The following RGS11 variants were observed in gnomAD, a reference collection of about 807,000 sequenced individuals.
RGS11 encodes the protein regulator of G-protein signaling 11.
Under a neutral mutation model 71.1 loss-of-function variants are expected in RGS11, and 86 were observed. The ratio of observed to expected loss-of-function variants is 1.21; its 90% CI spans 1.02 to 1.45. RGS11 has a LOEUF of 1.45. RGS11 is among the 40% of genes most tolerant of loss of function. The pLI, the probability that RGS11 is intolerant of heterozygous loss-of-function variation, is 0.00. For synonymous variants in RGS11, 298 were observed against 254.2 expected (o/e 1.17, Z -1.64); for missense variants, 734 against 635.1 (o/e 1.16, Z -1.67).
At position 275,273 on chromosome 16, in the gene RGS11, G is replaced by C. The variant is rs1481291958; in HGVS notation, c.211+10C>G. On this transcript the variant is annotated intron_variant, in intron 3 of 16. Transcript: ENST00000397770. ...TGACCCCAGGGCCCAGTGGGAGGCA[G>C]GGCGCTCACCCTCCTCCGAGACGCA... 1.2e-6 allele frequency: 2 copies of C among 1,612,534 alleles called. No homozygotes were observed. Among genetic ancestry groups the C allele is most frequent in the East Asian group, 4.5e-5 (2 of 44,870 alleles).
chr16:269,439 C>G (rs2051814089), intron 16 of RGS11, 56 bp from the exon 17 acceptor site: 1 of 1,587,056 alleles, frequency 6.3e-7, no homozygotes, highest in Admixed American at 1.7e-5. Context: ...CTGCCCACCT[C>G]ACTGCAGGGC....
chr16:275,115 G>A, intron 3 of RGS11, 33 bp from the exon 4 acceptor site: 1 of 1,481,564 alleles, frequency 6.7e-7, no homozygotes, highest in Non-Finnish European at 8.9e-7. Flanking sequence ...GCGCGGGGCC[G>A]CGGAAGCGGG....
At chr16:272,217 G>A in intron 9 of RGS11, 14 of 1,184,602 alleles carry the variant, frequency 1.2e-5, no homozygotes, top group Non-Finnish European at 1.4e-5. Flanking sequence ...GGGGATCACT[G>A]GGGAACCAGG....
rs560488104 is a variant in RGS11, at chr16:275,668, G to C, written c.64-170C>G. 6.5e-6 allele frequency: 3 copies of C among 464,218 alleles called. No individual in the cohort carries two copies. In the Admixed American group the frequency reaches 2.4e-4, roughly 38 times the overall value. 28.8% of individuals were successfully genotyped at this position (464,218 alleles called of 1,614,324 possible). On this transcript the variant is annotated intron_variant, in intron 1 of 16. Coordinates refer to ENST00000397770, the MANE Select transcript of RGS11 (RefSeq NM_183337.3). ...GGGGCGGGCCGGGGAGGGCCGGGGA[G>C]GGCCGGGGAGACCCCGGAGACCCCC... is the stretch of plus-strand genomic sequence containing the variant.
chr16:274,319 G>C, intron 4 of RGS11, 54 bp from the exon 5 acceptor site: 1 of 1,560,982 alleles, frequency 6.4e-7, no homozygotes, highest in Non-Finnish European at 8.7e-7. Flanking sequence ...TGCCTCCCCA[G>C]TGTCACCCCA....
At chr16:274,919 G>C in intron 4 of RGS11, 57 bp downstream of exon 4, 1 of 1,540,232 alleles carries the variant, frequency 6.5e-7, no homozygotes, top group East Asian at 2.5e-5. Context: ...GAGTTGGTAA[G>C]CTGGGTGGGT....
At position 275,081 on chromosome 16, in the gene RGS11, C is replaced by CTA. The variant is rs774489520; in HGVS notation, c.212_213insTA (p.Glu71AspfsTer46). 3 of 1,478,048 alleles carry CTA rather than the reference C, an allele frequency of 2.0e-6. No individual in the cohort carries two copies. In the Admixed American group the frequency reaches 7.2e-5, roughly 36 times the overall value. The allele number at this position is 1,478,048 out of a possible 1,614,324, so 91.6% of individuals were successfully genotyped here. ...CCAGGACGGCGCCCAGGTGCAGGGC[C>CTA]TCTGGGGAGGGGTGGGACGGTGAGC... is the stretch of plus-strand genomic sequence containing the variant. On this transcript the variant is annotated frameshift_variant and splice_region_variant, in exon 4 of 17. Coordinates refer to ENST00000397770, the MANE Select transcript of RGS11 (RefSeq NM_183337.3). LOFTEE classifies it high-confidence loss of function.
In RGS11 at chr16:269,188, C is replaced by G; in HGVS notation, c.*81G>C. 1.8e-6 allele frequency: 2 copies of G among 1,140,228 alleles called. No homozygotes were observed. The highest frequency in any genetic ancestry group is 2.6e-6 in the Non-Finnish European group (2 of 774,510). 70.6% of individuals were successfully genotyped at this position (1,140,228 alleles called of 1,614,324 possible). A position where few individuals can be genotyped will look rare whatever the true frequency, so the allele number is the denominator to read the frequency against. ...TGCTGGGTTCAGCAGCCCCCAGGAC[C>G]TGGGCCAAGACGGGGGTGGCTGCTG... On this transcript the variant is annotated 3_prime_UTR_variant, in exon 17 of 17. Coordinates refer to ENST00000397770, the MANE Select transcript of RGS11 (RefSeq NM_183337.3).
In RGS11 at chr16:271,194, G is replaced by A. The variant is rs756153443; in HGVS notation, c.863+8C>T. On this transcript the variant is annotated splice_region_variant and intron_variant, in intron 12 of 16. Transcript: ENST00000397770. ...CACCCGCAGTCCCGCTGCCCCGCCTGGGCTCACGTGGGGGCATTCATGACC... is the reference window on the plus strand; with the variant it reads ...CACCCGCAGTCCCGCTGCCCCGCCTAGGCTCACGTGGGGGCATTCATGACC... 4.3e-6 allele frequency: 7 copies of A among 1,611,228 alleles called. No individual in the cohort carries two copies. Among genetic ancestry groups the A allele is most frequent in the East Asian group, 2.2e-5 (1 of 44,864 alleles).
Position 268,851 on chromosome 16 carries a change from T to C in RGS11, c.*418A>G, listed in dbSNP as rs999247593. ...CCGAGACCTGCATGTCCGCGTCTTGTGACGGGTGTGTGGGAAGCCGCCCGC... is the reference window on the plus strand; with the variant it reads ...CCGAGACCTGCATGTCCGCGTCTTGCGACGGGTGTGTGGGAAGCCGCCCGC... On this transcript the variant is annotated 3_prime_UTR_variant, in exon 17 of 17. Coordinates refer to ENST00000397770, the MANE Select transcript of RGS11 (RefSeq NM_183337.3). 85 of 1,550,250 alleles carry C rather than the reference T, an allele frequency of 5.5e-5. No homozygotes were observed. Among genetic ancestry groups the C allele is most frequent in the Non-Finnish European group, 7.2e-5 (83 of 1,146,958 alleles).
chr16:270,301 G>A (rs2051868480), intron 15 of RGS11, among the ~76,000 whole-genome samples: 1 of 152,250 alleles, frequency 6.6e-6, no homozygotes, highest in Admixed American at 6.5e-5. Flanking sequence ...TATTAAGCAT[G>A]TGATCTGGGC....
chr16:271,371 T>C (rs760846151), intron 11 of RGS11, 28 bp downstream of exon 11: 1 of 1,612,614 alleles, frequency 6.2e-7, no homozygotes, highest in Non-Finnish European at 8.5e-7. Flanking sequence ...AGCAGGGGTC[T>C]CCAGCTGCCA....
At position 273,813 on chromosome 16, in the gene RGS11, C is replaced by T. The variant is rs1371983049; in HGVS notation, c.453G>A (p.Lys151=). 6.2e-7 allele frequency: 1 copy of T among 1,613,330 alleles called. No homozygotes were observed. The highest frequency in any genetic ancestry group is 2.2e-5 in the East Asian group (1 of 44,874). ...YEKDCYDRLH[K]KINHAWDLVL... is the part of the protein sequence containing the mutation. ...CCAGGTCCCATGCGTGGTTGATCTT[C>T]TTGTGTAGCCGGTCATAGCAGTCCT... is the stretch of plus-strand genomic sequence containing the variant. Residue 151 remains lysine, a synonymous_variant, in exon 7 of 17, where the codon AAG becomes AAA. Coordinates refer to ENST00000397770, the MANE Select transcript of RGS11 (RefSeq NM_183337.3).
rs1174091252 is a variant in RGS11, at chr16:269,320, A to G, written c.1353T>C (p.Pro451=). The change falls in exon 17 of 17, where the codon CCT becomes CCC. Residue 451 remains proline (P), a synonymous_variant. Coordinates refer to ENST00000397770, the MANE Select transcript of RGS11 (RefSeq NM_183337.3). ...GGCCACAAGCCGCTGTGGGCTCCAC[A>G]GGGGTGGGAAGGAGTGCAGGGCTGG... The part of the protein sequence containing the change: ...SSPSPALLPT[P]VEPTAACGPG... 1 of 1,599,294 alleles carries G rather than the reference A, an allele frequency of 6.3e-7. No homozygotes were observed. The highest frequency in any genetic ancestry group is 1.1e-5 in the South Asian group (1 of 88,608).
At chr16:269,839 C>T (rs979216312) in intron 15 of RGS11, 11 of 451,694 alleles carry the variant, frequency 2.4e-5, no homozygotes, top group South Asian at 1.7e-4. Context: ...AGGAATAAAC[C>T]GCGGCACCTC....
chr16:272,138 A>C, intron 9 of RGS11: 5 of 1,142,192 alleles, frequency 4.4e-6, no homozygotes, highest in Middle Eastern at 4.0e-4. Flanking sequence ...GCCCGGCCTA[A>C]TATGTCACAT....
intron 6 of RGS11, 90 bp from the exon 7 acceptor site, chr16:273,926 GT>G: frequency 6.7e-7 from 1 of 1,484,942 alleles, no homozygotes; most frequent in Non-Finnish European, 9.4e-7. Flanking sequence ...ACTGTCTTGG[GT>G]TTTGGGGCCT....
At chr16:272,261 C>A in intron 9 of RGS11, 6 of 1,226,628 alleles carry the variant, frequency 4.9e-6, no homozygotes, top group Non-Finnish European at 5.2e-6. Context: ...TCGCTGGGGC[C>A]AGAGCGGAGG....
chr16:269,588 A>G lies in RGS11; in HGVS notation c.1207-3T>C, dbSNP rs1367151500. ...TTCAGGAACCTTGGGTAGGAGTCCT[A>G]CAAGAGACAGCGTCCAGCCCCTGAC... On this transcript the variant is annotated splice_polypyrimidine_tract_variant and splice_region_variant and intron_variant, in intron 15 of 16. Coordinates refer to ENST00000397770, the MANE Select transcript of RGS11 (RefSeq NM_183337.3). 7 of 1,611,516 alleles carry G rather than the reference A, an allele frequency of 4.3e-6. No homozygotes were observed. The highest frequency in any genetic ancestry group is 5.9e-6 in the Non-Finnish European group (7 of 1,178,314).
Sources: gnomAD v4.1 joint callset for allele counts (sites outside exome capture counted in the v4.1 genomes callset) on GRCh38, gnomAD v4.1.1 for gene constraint, MANE v1.5 for transcripts, NCBI Gene and HGNC (gene_info 2026-07-23, HGNC 2026-07-21) for gene names.